Variants in DENND2A observed in about 807,000 individuals in gnomAD.
The protein encoded by DENND2A is DENN domain containing 2A, also known as DENN domain-containing protein 2A.
DENND2A carries 53 observed loss-of-function variants against 105.3 expected under a neutral mutation model. That is an observed-to-expected ratio of 0.50 (90% CI 0.40 to 0.63). The LOEUF is 0.63. Among genes scored for constraint, DENND2A ranks in the 30% least tolerant of loss-of-function variants. The pLI is 0.00. For missense variants in DENND2A, 1,138 were observed against 1,279.6 expected, an observed-to-expected ratio of 0.89 and a Z score of 1.69; for synonymous variants, 522 against 508.4, an observed-to-expected ratio of 1.03 and a Z score of -0.36.
intron 18 of DENND2A, 144 bp downstream of exon 18, chr7:140,521,711 C>G: frequency 7.4e-7 from 1 of 1,359,694 alleles, no homozygotes; most frequent in South Asian, 1.4e-5. Flanking sequence ...CCAGCTCAGT[C>G]AGGGCATAAC....
chr7:140,539,129 A>T (rs916897254), intron 14 of DENND2A, among the ~76,000 whole-genome samples: 5 of 152,204 alleles, frequency 3.3e-5, no homozygotes, highest in African/African-American at 4.8e-5. Context: ...TGGCCTAAAG[A>T]CTTTCCAGAA....
chr7:140,520,712 C>CAG lies in DENND2A; in HGVS notation c.2912-995_2912-994insCT, dbSNP rs1432701533. 2.0e-5 allele frequency among the ~76,000 whole-genome samples: 3 copies of CAG among 151,116 alleles called. No homozygotes were observed. In the East Asian group the frequency reaches 5.9e-4, roughly 30 times the overall value. On this transcript the variant is annotated intron_variant, in intron 18 of 19. Transcript: ENST00000496613. ...TAGCTGGGATTACAGGCGCCTGCCA[C>CAG]CATGCCCAGCTAATTTTTGTATTTT...
chr7:140,557,571 G>T (rs1356246470), intron 11 of DENND2A, among the ~76,000 whole-genome samples: 4 of 79,712 alleles, frequency 5.0e-5, no homozygotes, highest in African/African-American at 1.3e-4. Flanking sequence ...ACGGAGTTTC[G>T]CTCTGTCGCC....
chr7:140,592,698 C>T (rs1422294598), intron 3 of DENND2A, among the ~76,000 whole-genome samples: 3 of 151,856 alleles, frequency 2.0e-5, no homozygotes, highest in Non-Finnish European at 4.4e-5. Flanking sequence ...CTCCAGGGTT[C>T]AAGCAATTCT....
At chr7:140,564,599 A>G (rs1403060798) in intron 9 of DENND2A, among the ~76,000 whole-genome samples, 1 of 152,180 alleles carries the variant, frequency 6.6e-6, no homozygotes, top group Non-Finnish European at 1.5e-5. Flanking sequence ...TGGTGGGATT[A>G]CTAGTGATTT....
chr7:140,622,503 C>T (rs189697793), intron 1 of DENND2A, among the ~76,000 whole-genome samples: 9 of 152,238 alleles, frequency 5.9e-5, no homozygotes, highest in East Asian at 3.9e-4. Flanking sequence ...GTTTTCACAG[C>T]CCCTCCTCCT....
chr7:140,568,246 C>T (rs1437834813), intron 8 of DENND2A, among the ~76,000 whole-genome samples: 1 of 152,142 alleles, frequency 6.6e-6, no homozygotes, highest in Non-Finnish European at 1.5e-5. Context: ...GGCCCCTGGA[C>T]TTGCTTTCTT....
chr7:140,569,891 AT>A (rs35641355), intron 6 of DENND2A, among the ~76,000 whole-genome samples, 153 bp from the exon 7 acceptor site: 77,282 of 147,592 alleles, frequency 0.52, 22,250 homozygotes, highest in African/African-American at 0.79. Flanking sequence ...TCTTTCAATC[AT>A]TTTTTTTTTT....
Position 140,568,860 on chromosome 7 carries a change from C to T in DENND2A, c.1541-47G>A, listed in dbSNP as rs764685723. ...GAAAATTGCAAATGTGAGTTCTTCT[C>T]ATGTAGGAAACTCTTTCTATGTGGT... On this transcript the variant is annotated intron_variant, in intron 7 of 19. Coordinates refer to ENST00000496613, the MANE Select transcript of DENND2A (RefSeq NM_015689.5). 7.0e-6 allele frequency: 11 copies of T among 1,581,326 alleles called. No homozygotes were observed. In the Admixed American group the frequency reaches 8.3e-5, roughly 12 times the overall value.
rs1476293198 is a variant in DENND2A, at chr7:140,559,815, C to T, written c.1782G>A (p.Leu594=). 2 of 1,608,760 alleles carry T rather than the reference C, an allele frequency of 1.2e-6. No individual in the cohort carries two copies. The highest frequency in any genetic ancestry group is 2.7e-5 in the African/African-American group (2 of 74,804). The change falls in exon 10 of 20, where the codon TTG becomes TTA. Residue 594 remains leucine (L), a splice_region_variant and synonymous_variant. Transcript: ENST00000496613. This position sits in a 1 kb window ranked among gnomAD's most constrained non-coding sequence, Gnocchi z 4.1. The stretch of plus-strand genomic sequence containing the variant: ...CTCTCATGAACTTGAAAGACCTTTC[C>T]AACTGCAGGGAGAAAGGTGAGAGAA... ...PELTQQFPLK[L]ERSFKFMREA... is the part of the protein sequence containing the mutation.
chr7:140,555,857 C>T (rs11763409), intron 11 of DENND2A, 144 bp from the exon 12 acceptor site: 157,199 of 570,824 alleles, frequency 0.28, 22,603 homozygotes, highest in Middle Eastern at 0.32. Context: ...AAGTTGTTAT[C>T]CCATTGTGTT....
intron 1 of DENND2A, among the ~76,000 whole-genome samples, chr7:140,620,634 G>GCC (rs940195483): frequency 2.6e-5 from 4 of 152,214 alleles, no homozygotes; most frequent in Admixed American, 2.6e-4. Context: ...GCCCTGCGGT[G>GCC]CCCAGCAAGT....
intron 19 of DENND2A, among the ~76,000 whole-genome samples, chr7:140,519,422 A>C (rs1315809885): frequency 2.6e-5 from 4 of 152,174 alleles, no homozygotes; most frequent in Admixed American, 1.3e-4. Context: ...GGGGACCCAG[A>C]AAAGGAGGTG....
chr7:140,616,092 C>G (rs948152108), intron 1 of DENND2A, among the ~76,000 whole-genome samples: 17 of 152,070 alleles, frequency 1.1e-4, no homozygotes, highest in Admixed American at 8.5e-4. Context: ...CCTGGCCGGG[C>G]GTGGTGGCTC....
intron 14 of DENND2A, among the ~76,000 whole-genome samples, chr7:140,540,421 T>C (rs554314067): frequency 3.9e-5 from 6 of 152,354 alleles, no homozygotes; most frequent in Non-Finnish European, 8.8e-5. Flanking sequence ...CTATGGAAGG[T>C]TGGAGAGAAA....
intron 1 of DENND2A, among the ~76,000 whole-genome samples, chr7:140,626,199 TTA>T (rs1563186621): frequency 1.3e-5 from 2 of 152,070 alleles, no homozygotes; most frequent in African/African-American, 4.8e-5. Context: ...TGGGAAATAG[TTA>T]TGATTTTATT....
chr7:140,572,719 ACTC>A (rs1275086405), intron 6 of DENND2A, among the ~76,000 whole-genome samples: 10 of 142,934 alleles, frequency 7.0e-5, no homozygotes. Context: ...ACACCACTGT[ACTC>A]CAGCTTGGGC....
rs537927122 is a variant in DENND2A, at chr7:140,570,463, T to C, written c.1447-725A>G. Among the ~76,000 whole-genome samples, 5 of 152,264 alleles carry C rather than the reference T, an allele frequency of 3.3e-5. No individual in the cohort carries two copies. The South Asian group carries it at 6.2e-4, about 19-fold the overall frequency. ...AAGTTCCCAGGCAGGGCTCCCTTCA[T>C]GGGAACTATTCCAAAGAATGTCAGA... On this transcript the variant is annotated intron_variant, in intron 6 of 19. Transcript: ENST00000496613.
chr7:140,594,662 C>T (rs1187127965), intron 3 of DENND2A, among the ~76,000 whole-genome samples: 1 of 152,186 alleles, frequency 6.6e-6, no homozygotes, highest in Non-Finnish European at 1.5e-5. Context: ...TTATTACATT[C>T]CTATGTCTAA....
Sources: allele counts gnomAD v4.1 joint callset (sites outside exome capture counted in the v4.1 genomes callset), GRCh38; gene constraint gnomAD v4.1.1; non-coding constraint Gnocchi (gnomAD v3.1); transcripts MANE v1.5; gene names NCBI Gene and HGNC (gene_info 2026-07-23, HGNC 2026-07-21).